EPB41L5: variants seen among roughly 807,000 people sequenced by gnomAD.
EPB41L5 encodes band 4.1-like protein 5.
In EPB41L5, 55 loss-of-function variants were observed where a neutral mutation model predicts 106.6. That is an observed-to-expected ratio of 0.52 (90% CI 0.42 to 0.65). The LOEUF is 0.65. EPB41L5 is among the 30% of genes least tolerant of loss of function. The pLI is 0.00. For missense variants in EPB41L5, 871 were observed against 882.1 expected (o/e 0.99, Z 0.16); for synonymous variants, 297 against 306.7 (o/e 0.97, Z 0.33).
At chr2:120,154,278 C>T (rs1427265382) in intron 20 of EPB41L5, among the ~76,000 whole-genome samples, 1 of 152,018 alleles carries the variant, frequency 6.6e-6, no homozygotes, top group African/African-American at 2.4e-5. Flanking sequence ...CCTGCCTCAG[C>T]CTCCCGAGTA....
intron 1 of EPB41L5, among the ~76,000 whole-genome samples, chr2:120,014,170 C>G (rs946673537): frequency 2.0e-5 from 3 of 152,128 alleles, no homozygotes; most frequent in African/African-American, 7.2e-5. Flanking sequence ...AGCAATTAAC[C>G]AACCATATTG....
intron 16 of EPB41L5, among the ~76,000 whole-genome samples, chr2:120,121,016 A>G (rs1466724950): frequency 6.6e-6 from 1 of 152,108 alleles, no homozygotes; most frequent in African/African-American, 2.4e-5. Context: ...ACTGGTGAGG[A>G]TAAGGCAGGA....
intron 3 of EPB41L5, among the ~76,000 whole-genome samples, chr2:120,066,052 G>A (rs1010365916): frequency 2.0e-5 from 3 of 152,034 alleles, no homozygotes; most frequent in Admixed American, 6.6e-5. Flanking sequence ...ATCTTGGGGA[G>A]GAGGAGTGCC....
intron 10 of EPB41L5, among the ~76,000 whole-genome samples, chr2:120,081,142 G>T (rs1419565653): frequency 6.6e-6 from 1 of 152,080 alleles, no homozygotes; most frequent in East Asian, 1.9e-4. Flanking sequence ...TTTGGCTTTT[G>T]TTGCCATTGC....
chr2:120,120,610 CATT>C (rs1558889717), intron 16 of EPB41L5, among the ~76,000 whole-genome samples: 1 of 151,666 alleles, frequency 6.6e-6, no homozygotes, highest in African/African-American at 2.4e-5. Flanking sequence ...AAAAACCTCT[CATT>C]AATAAAATTA....
At chr2:120,102,112 A>G (rs536074051) in intron 16 of EPB41L5, among the ~76,000 whole-genome samples, 1 of 152,368 alleles carries the variant, frequency 6.6e-6, no homozygotes, top group East Asian at 1.9e-4. Context: ...GACTTCAGCT[A>G]TAAAGGAAGT....
rs575086549 is a variant in EPB41L5, at chr2:120,152,147, T to G, written c.1793+5858T>G. Among the ~76,000 whole-genome samples the G allele has an allele frequency of 3.9e-5, 6 of 152,342 alleles. No individual in the cohort carries two copies. The East Asian group carries it at 9.6e-4, about 24-fold the overall frequency. On this transcript the variant is annotated intron_variant, in intron 20 of 24. Coordinates refer to ENST00000263713, the MANE Select transcript of EPB41L5 (RefSeq NM_020909.4). ...GCTTTCAGTCTTTCACCATTGAGTGTTGTGTGTATGTTTTTCATATATGCC... is the reference window on the plus strand; with the variant it reads ...GCTTTCAGTCTTTCACCATTGAGTGGTGTGTGTATGTTTTTCATATATGCC...
chr2:120,152,682 T>C (rs1050971202), intron 20 of EPB41L5, among the ~76,000 whole-genome samples: 39 of 152,368 alleles, frequency 2.6e-4, no homozygotes, highest in African/African-American at 8.7e-4. Context: ...AGGATTATTG[T>C]TAATTCTTTA....
intron 20 of EPB41L5, among the ~76,000 whole-genome samples, chr2:120,152,643 C>G (rs1195745341): frequency 6.6e-6 from 1 of 152,156 alleles, no homozygotes; most frequent in African/African-American, 2.4e-5. Flanking sequence ...AGTGTTCCTT[C>G]TTCTGCTGTG....
rs561514792 is a variant in EPB41L5 at position 120,013,616 on chromosome 2, TTGG to T, written c.-9+410_-9+412del. ...AACGAACTGAGTTTGTGTCACTGTC[TTGG>T]TGGACTTTTCGAGCTAACCTGTATT... On this transcript the variant is annotated intron_variant, in intron 1 of 24. Transcript: ENST00000263713. The T allele has an allele frequency of 7.6e-4, 116 of 152,310 alleles. 1 individual carries two copies. Among genetic ancestry groups the T allele is most frequent in the African/African-American group, 2.7e-3 (112 of 41,564 alleles). The allele number at this position is 152,310 out of a possible 1,614,324, so 9.4% of individuals were successfully genotyped here.
intron 16 of EPB41L5, among the ~76,000 whole-genome samples, chr2:120,121,975 T>C (rs1685235674): frequency 6.6e-6 from 1 of 152,348 alleles, no homozygotes; most frequent in Non-Finnish European, 1.5e-5. Flanking sequence ...CATAAATGTC[T>C]TCTTTTGAGA....
At chr2:120,155,974 C>T (rs1350638791) in intron 20 of EPB41L5, among the ~76,000 whole-genome samples, 1 of 152,118 alleles carries the variant, frequency 6.6e-6, no homozygotes, top group Non-Finnish European at 1.5e-5. Flanking sequence ...CCCACGACCA[C>T]CACGGACACT....
intron 10 of EPB41L5, among the ~76,000 whole-genome samples, chr2:120,086,462 C>G (rs985821145): frequency 6.6e-6 from 1 of 152,164 alleles, no homozygotes; most frequent in Non-Finnish European, 1.5e-5. Flanking sequence ...CCCAAAATTC[C>G]TGTTGAAAAC....
chr2:120,164,762 A>G, intron 21 of EPB41L5, 74 bp from the exon 22 acceptor site: 2 of 975,544 alleles, frequency 2.1e-6, no homozygotes, highest in Non-Finnish European at 3.2e-6. Flanking sequence ...TTATAAATTG[A>G]GAGGATATGG....
chr2:120,116,323 A>G (rs903636131), intron 16 of EPB41L5, among the ~76,000 whole-genome samples: 2 of 152,078 alleles, frequency 1.3e-5, no homozygotes, highest in Non-Finnish European at 2.9e-5. Flanking sequence ...TATTCTCATC[A>G]TTTCATCCAG....
intron 1 of EPB41L5, among the ~76,000 whole-genome samples, chr2:120,018,066 A>G (rs1046536923): frequency 1.3e-5 from 2 of 148,822 alleles, no homozygotes; most frequent in Admixed American, 1.4e-4. Flanking sequence ...GGTTCATGCC[A>G]TTCTCCTGCC....
rs775299147 is a variant in EPB41L5 at position 120,127,812 on chromosome 2, A to G, written c.1462A>G (p.Arg488Gly). The G allele has an allele frequency of 6.2e-7, 1 of 1,612,720 alleles. No individual in the cohort carries two copies. The highest frequency in any genetic ancestry group is 8.5e-7 in the Non-Finnish European group (1 of 1,179,036). ...ACTGAATGACGTTAATGTAGCCACC[A>G]GGCTTCCGGGATTAGGGGAACCTGA... ...QALNDVNVAT[R>G]LPGLGEPEVE... Residue 488 changes from arginine to glycine, a missense_variant, in exon 17 of 25, where the codon AGG (arginine) becomes GGG (glycine). Arg to Gly is a moderately radical substitution (Grantham distance 125). Coordinates refer to ENST00000263713, the MANE Select transcript of EPB41L5 (RefSeq NM_020909.4).
intron 3 of EPB41L5, among the ~76,000 whole-genome samples, chr2:120,044,779 T>G (rs977979661): frequency 5.3e-5 from 8 of 152,216 alleles, no homozygotes; most frequent in Non-Finnish European, 7.3e-5. Context: ...TCCCTACTCT[T>G]TAGTTCTAGT....
intron 16 of EPB41L5, among the ~76,000 whole-genome samples, chr2:120,113,750 AG>A (rs1203025787): frequency 6.6e-6 from 1 of 152,220 alleles, no homozygotes; most frequent in African/African-American, 2.4e-5. Context: ...ATTTCCTAAA[AG>A]TAGAATCATA....
Sources: allele counts gnomAD v4.1 joint callset (sites outside exome capture counted in the v4.1 genomes callset), GRCh38; gene constraint gnomAD v4.1.1; transcripts MANE v1.5; gene names NCBI Gene and HGNC (gene_info 2026-07-23, HGNC 2026-07-21).